Variants in SLC22A23 observed in about 807,000 individuals in gnomAD.
SLC22A23 encodes the protein ion transporter protein.
Under a neutral mutation model 61.0 loss-of-function variants are expected in SLC22A23, and 26 were observed. The observed-to-expected ratio is 0.43, with a 90% confidence interval of 0.31 to 0.59. SLC22A23 has a LOEUF of 0.59. Ranked by LOEUF, SLC22A23 falls within the 20% of genes least tolerant of loss-of-function variation. The pLI is 0.11. For synonymous variants in SLC22A23, 430 were observed against 413.9 expected (o/e 1.04, Z -0.47); for missense variants, 796 against 934.7 (o/e 0.85, Z 1.94).
intron 9 of SLC22A23, chr6:3,282,230 C>T (rs1581597551): frequency 2.8e-6 from 2 of 702,576 alleles, no homozygotes. Context: ...ACTTTCCGTC[C>T]TTTAGACAGG....
chr6:3,315,369 G>A (rs1313673344), intron 4 of SLC22A23, among the ~76,000 whole-genome samples: 1 of 152,214 alleles, frequency 6.6e-6, no homozygotes, highest in Non-Finnish European at 1.5e-5. Flanking sequence ...CCACAGCACA[G>A]AGGAAATGCG....
Position 3,454,541 on chromosome 6 carries a change from A to G in SLC22A23, c.654+1365T>C, listed in dbSNP as rs1772299948. 6.6e-6 allele frequency among the ~76,000 whole-genome samples: 1 copy of G among 152,246 alleles called. No individual in the cohort carries two copies. The highest frequency in any genetic ancestry group is 2.1e-4 in the South Asian group (1 of 4,834). On this transcript the variant is annotated intron_variant, in intron 1 of 9. Coordinates refer to ENST00000406686, the MANE Select transcript of SLC22A23 (RefSeq NM_015482.2). The surrounding 1 kb of genome is among the most constrained non-coding windows in gnomAD (Gnocchi z 4.3). ...GACATACACAGTGATTTAAATAGTC[A>G]TTGTTCTTAATTTTTCTTTGCTGCT...
intron 3 of SLC22A23, among the ~76,000 whole-genome samples, chr6:3,350,055 T>C (rs989602288): frequency 6.6e-6 from 1 of 152,200 alleles, no homozygotes; most frequent in Non-Finnish European, 1.5e-5. Flanking sequence ...CCATGGTTGA[T>C]AGAAAATTAT....
chr6:3,313,442 C>T (rs562479877), intron 4 of SLC22A23: 3 of 152,248 alleles, frequency 2.0e-5, no homozygotes, highest in African/African-American at 4.8e-5. Context: ...TTCAAGCTCC[C>T]GGAGACTGCA....
intron 3 of SLC22A23, among the ~76,000 whole-genome samples, chr6:3,404,796 C>G (rs1425200792): frequency 6.6e-6 from 1 of 152,196 alleles, no homozygotes; most frequent in Admixed American, 6.5e-5. Context: ...TGCCCTGTTA[C>G]TTTTTGCTTA....
intron 4 of SLC22A23, chr6:3,312,944 G>A (rs1762445191): frequency 6.6e-6 from 1 of 152,258 alleles, no homozygotes; most frequent in Non-Finnish European, 1.5e-5. Flanking sequence ...CAGCTTCCCG[G>A]TGGGAGCAGG....
intron 3 of SLC22A23, among the ~76,000 whole-genome samples, chr6:3,371,598 T>C (rs1766221702): frequency 6.6e-6 from 1 of 152,170 alleles, no homozygotes; most frequent in African/African-American, 2.4e-5. Flanking sequence ...TGCCTGAACT[T>C]CCTGAACCTC....
At position 3,339,785 on chromosome 6, in the gene SLC22A23, C is replaced by A. The variant is rs918418837; in HGVS notation, c.914-15783G>T. Reference sequence around the variant, plus strand: ...ATCCACCCCTTGTTTAGCATATCATCAAAAAATAACCATAAAAAAGGGCAA... The same window carrying A: ...ATCCACCCCTTGTTTAGCATATCATAAAAAAATAACCATAAAAAAGGGCAA... On this transcript the variant is annotated intron_variant, in intron 3 of 9. Coordinates refer to ENST00000406686, the MANE Select transcript of SLC22A23 (RefSeq NM_015482.2). 1.3e-5 allele frequency among the ~76,000 whole-genome samples: 2 copies of A among 152,174 alleles called. 1 individual carries two copies. Among genetic ancestry groups the A allele is most frequent in the Admixed American group, 1.3e-4 (2 of 15,282 alleles).
In SLC22A23 at chr6:3,324,481, C is replaced by T. The variant is rs553070996; in HGVS notation, c.914-479G>A. On this transcript the variant is annotated intron_variant, in intron 3 of 9. Transcript: ENST00000406686. The surrounding 1 kb of genome is among the most constrained non-coding windows in gnomAD (Gnocchi z 4.3). ...ATATACTCACTCCTACCCATATGCA[C>T]CACCCACCCCTTCTTCTGGTTCTCA... Among the ~76,000 whole-genome samples, 14 of 152,150 alleles carry T rather than the reference C, an allele frequency of 9.2e-5. No individual in the cohort carries two copies. Among genetic ancestry groups the T allele is most frequent in the Non-Finnish European group, 1.5e-4 (10 of 68,032 alleles).
rs2127354719 is a variant in SLC22A23, at chr6:3,297,950, A to G, written c.1210+141T>C. ...ATGGAGAGAATGTCAAGGTTGCCAC[A>G]TTGCCCTTGTGCAGGCCAAAAGGTC... On this transcript the variant is annotated intron_variant, in intron 5 of 9. Transcript: ENST00000406686. The surrounding 1 kb of genome is among the most constrained non-coding windows in gnomAD (Gnocchi z 4.3). 1 of 982,154 alleles carries G rather than the reference A, an allele frequency of 1.0e-6. No individual in the cohort carries two copies. The highest frequency in any genetic ancestry group is 3.1e-5 in the East Asian group (1 of 32,534). 60.8% of individuals were successfully genotyped at this position (982,154 alleles called of 1,614,324 possible).
intron 3 of SLC22A23, among the ~76,000 whole-genome samples, chr6:3,376,273 A>T (rs1347144248): frequency 1.3e-5 from 2 of 152,164 alleles, no homozygotes; most frequent in Non-Finnish European, 2.9e-5. Flanking sequence ...GATTTGAGCA[A>T]CGCATCTGCC....
chr6:3,331,553 T>G (rs1033998548), intron 3 of SLC22A23, among the ~76,000 whole-genome samples: 1 of 152,212 alleles, frequency 6.6e-6, no homozygotes, highest in African/African-American at 2.4e-5. Context: ...GATAATAATT[T>G]GAGGAAAATC....
chr6:3,413,231 G>T (rs1404238098), intron 2 of SLC22A23, among the ~76,000 whole-genome samples: 1 of 152,228 alleles, frequency 6.6e-6, no homozygotes, highest in Non-Finnish European at 1.5e-5. Context: ...AGTAGGGGAA[G>T]GATGGTCCTG....
intron 1 of SLC22A23, among the ~76,000 whole-genome samples, chr6:3,434,200 CT>C (rs1352317525): frequency 6.6e-6 from 1 of 152,064 alleles, no homozygotes; most frequent in Non-Finnish European, 1.5e-5. Context: ...GTAATCCCAG[CT>C]ACCTGGGAGG....
chr6:3,380,118 T>C (rs1466844563), intron 3 of SLC22A23, among the ~76,000 whole-genome samples: 1 of 152,164 alleles, frequency 6.6e-6, no homozygotes, highest in African/African-American at 2.4e-5. Context: ...TAATAGAATA[T>C]GAATTCTAAG....
chr6:3,419,091 A>G lies in SLC22A23; in HGVS notation c.655-3236T>C, dbSNP rs541348177. Among the ~76,000 whole-genome samples, 3 of 152,330 alleles carry G rather than the reference A, an allele frequency of 2.0e-5. No homozygotes were observed. In the East Asian group the frequency reaches 5.8e-4, roughly 29 times the overall value. The stretch of plus-strand genomic sequence containing the variant: ...GACCAGTTGGGTAAGCAATGTTTAA[A>G]GCAATTTATAACTTTTCAGATTAAA... On this transcript the variant is annotated intron_variant, in intron 1 of 9. Coordinates refer to ENST00000406686, the MANE Select transcript of SLC22A23 (RefSeq NM_015482.2).
intron 1 of SLC22A23, among the ~76,000 whole-genome samples, chr6:3,423,777 G>A (rs760738225): frequency 4.6e-5 from 7 of 152,194 alleles, no homozygotes; most frequent in Non-Finnish European, 5.9e-5. Context: ...GTTACTGGAG[G>A]GTATTTTCTA....
intron 1 of SLC22A23, among the ~76,000 whole-genome samples, chr6:3,441,970 G>A (rs1208313981): frequency 6.6e-6 from 1 of 152,122 alleles, no homozygotes; most frequent in African/African-American, 2.4e-5. Flanking sequence ...CAAGAAGGAG[G>A]GCATCACCCA....
At position 3,456,693 on chromosome 6, in the gene SLC22A23, C is replaced by T. The variant is rs1360162225; in HGVS notation, c.-134G>A. The T allele has an allele frequency of 1.5e-5, 8 of 541,232 alleles. No individual in the cohort carries two copies. The highest frequency in any genetic ancestry group is 1.9e-5 in the Non-Finnish European group (8 of 426,820). 33.5% of individuals were successfully genotyped at this position (541,232 alleles called of 1,614,324 possible). On this transcript the variant is annotated 5_prime_UTR_variant, in exon 1 of 10. Coordinates refer to ENST00000406686, the MANE Select transcript of SLC22A23 (RefSeq NM_015482.2). The surrounding 1 kb of genome is among the most constrained non-coding windows in gnomAD (Gnocchi z 7.1). ...AGGGCCCGCGGCTCGAGAGAGAGCG[C>T]TCGGCGGCTCCGGGTGCGTCAGGCC...
Sources: gnomAD v4.1 joint callset for allele counts (sites outside exome capture counted in the v4.1 genomes callset) on GRCh38, gnomAD v4.1.1 for gene constraint, Gnocchi (gnomAD v3.1) non-coding constraint, MANE v1.5 for transcripts, NCBI Gene and HGNC (gene_info 2026-07-23, HGNC 2026-07-21) for gene names.